Variants in CDH13 observed in about 807,000 individuals in gnomAD.
The protein encoded by CDH13 is cadherin-13.
A neutral mutation model predicts 63.8 loss-of-function variants in CDH13; 24 were observed. The ratio of observed to expected loss-of-function variants is 0.38; its 90% CI spans 0.27 to 0.53. The LOEUF (loss-of-function observed/expected upper bound fraction) is 0.53, where lower values mean the gene tolerates loss of function less well. Among genes scored for constraint, CDH13 ranks in the 20% least tolerant of loss-of-function variants. CDH13 has a pLI of 0.85. For synonymous variants in CDH13, 503 were observed against 355.3 expected (o/e 1.42, Z -4.67); for missense variants, 1,049 against 903.1 (o/e 1.16, Z -2.07).
At chr16:83,083,069 G>A (rs1033212875) in intron 3 of CDH13, among the ~76,000 whole-genome samples, 1 of 152,162 alleles carries the variant, frequency 6.6e-6, no homozygotes, top group Non-Finnish European at 1.5e-5. Context: ...AACCACAAAA[G>A]AAGCTGATAT....
intron 13 of CDH13, among the ~76,000 whole-genome samples, chr16:83,790,952 C>T (rs1206102862): frequency 6.6e-6 from 1 of 152,130 alleles, no homozygotes; most frequent in Non-Finnish European, 1.5e-5. Flanking sequence ...ACTATCTTAA[C>T]AAATACCAAA....
chr16:83,080,759 AG>A (rs1161944860), intron 3 of CDH13, among the ~76,000 whole-genome samples: 3 of 152,032 alleles, frequency 2.0e-5, no homozygotes, highest in African/African-American at 7.2e-5. Context: ...CTAACCCACA[AG>A]GAAGATTATT....
chr16:83,149,428 G>C (rs184878834), intron 4 of CDH13, among the ~76,000 whole-genome samples: 60 of 152,224 alleles, frequency 3.9e-4, no homozygotes, highest in African/African-American at 1.3e-3. Context: ...TCCATGATAG[G>C]ATCACAACAG....
intron 7 of CDH13, among the ~76,000 whole-genome samples, chr16:83,566,213 G>A (rs1477885103): frequency 6.6e-6 from 1 of 152,054 alleles, no homozygotes; most frequent in Non-Finnish European, 1.5e-5. Context: ...AGTTGCTTCT[G>A]CTTGCAGTGG....
At chr16:82,950,569 G>A (rs915542737) in intron 2 of CDH13, among the ~76,000 whole-genome samples, 36 of 152,148 alleles carry the variant, frequency 2.4e-4, no homozygotes, top group Admixed American at 2.0e-4. Context: ...TGCTGCTGAT[G>A]TAAGATGTGC....
chr16:83,104,296 G>A (rs2034654966), intron 3 of CDH13, among the ~76,000 whole-genome samples: 1 of 152,150 alleles, frequency 6.6e-6, no homozygotes. Context: ...TCAATGACGT[G>A]GGGAGACGTG....
intron 2 of CDH13, among the ~76,000 whole-genome samples, chr16:82,890,439 C>G (rs1011884272): frequency 1.8e-4 from 28 of 152,264 alleles, no homozygotes; most frequent in African/African-American, 6.3e-4. Context: ...AAAACGATTC[C>G]TTTGCTAGAG....
intron 2 of CDH13, among the ~76,000 whole-genome samples, chr16:82,964,100 A>G (rs1356771934): frequency 2.6e-5 from 4 of 152,198 alleles, no homozygotes; most frequent in South Asian, 2.1e-4. Flanking sequence ...ACGCTGGAAC[A>G]GGAGCACACG....
chr16:82,793,891 G>T (rs533781954), intron 1 of CDH13, among the ~76,000 whole-genome samples: 4 of 152,158 alleles, frequency 2.6e-5, no homozygotes, highest in African/African-American at 9.7e-5. Flanking sequence ...TATGGGACAG[G>T]CTGGGGCAGT....
intron 2 of CDH13, among the ~76,000 whole-genome samples, chr16:83,017,911 A>T (rs1914960133): frequency 6.6e-6 from 1 of 152,184 alleles, no homozygotes. Flanking sequence ...CAAAGTTTTG[A>T]TATGCAGTAG....
At chr16:83,728,060 G>A (rs900826385) in intron 10 of CDH13, among the ~76,000 whole-genome samples, 5 of 152,206 alleles carry the variant, frequency 3.3e-5, no homozygotes, top group African/African-American at 1.2e-4. Context: ...CAGCTCCTCT[G>A]AGGAGTCTGT....
chr16:83,239,302 G>C (rs990749320), intron 5 of CDH13, among the ~76,000 whole-genome samples: 3 of 152,214 alleles, frequency 2.0e-5, no homozygotes, highest in African/African-American at 7.2e-5. Flanking sequence ...AATGAAGTTA[G>C]TGATCTACCG....
At chr16:83,328,989 A>G (rs2090427136) in intron 5 of CDH13, among the ~76,000 whole-genome samples, 2 of 152,292 alleles carry the variant, frequency 1.3e-5, no homozygotes, top group African/African-American at 4.8e-5. Context: ...CTAGGTAGTC[A>G]AATTTCCCTA....
In CDH13 at chr16:83,047,325, G is replaced by C. The variant is rs903992553; in HGVS notation, c.366+15107G>C. Reference sequence around the variant, plus strand: ...AATGCATTATTTCTGTCCTTGCATTGTCCATTCTCGTAAACCGTGGTTAAC... The same window carrying C: ...AATGCATTATTTCTGTCCTTGCATTCTCCATTCTCGTAAACCGTGGTTAAC... On this transcript the variant is annotated intron_variant, in intron 3 of 13. Coordinates refer to ENST00000567109, the MANE Select transcript of CDH13 (RefSeq NM_001257.5). The surrounding 1 kb of genome is among the most constrained non-coding windows in gnomAD (Gnocchi z 4.9). Among the ~76,000 whole-genome samples the C allele has an allele frequency of 1.3e-5, 2 of 152,076 alleles. No homozygotes were observed. The highest frequency in any genetic ancestry group is 3.9e-4 in the East Asian group (2 of 5,188).
intron 2 of CDH13, among the ~76,000 whole-genome samples, chr16:82,888,057 G>C (rs569613693): frequency 6.6e-6 from 1 of 152,088 alleles, no homozygotes; most frequent in African/African-American, 2.4e-5. Context: ...TGCTCATCTT[G>C]GTGGGTTTTG....
At chr16:82,696,743 A>G (rs948185792) in intron 1 of CDH13, among the ~76,000 whole-genome samples, 2 of 152,264 alleles carry the variant, frequency 1.3e-5, no homozygotes, top group East Asian at 3.9e-4. Context: ...TGCATTAGAA[A>G]TTTTCCCCAA....
chr16:83,015,136 A>C (rs1188650689), intron 2 of CDH13, among the ~76,000 whole-genome samples: 1 of 152,110 alleles, frequency 6.6e-6, no homozygotes, highest in East Asian at 1.9e-4. Flanking sequence ...GAATAATTTA[A>C]TAATCAAAAT....
intron 2 of CDH13, among the ~76,000 whole-genome samples, chr16:82,922,407 C>A (rs988842496): frequency 3.9e-5 from 6 of 152,124 alleles, no homozygotes; most frequent in African/African-American, 1.4e-4. Context: ...CTTTCACATG[C>A]CAGGGAGTAG....
At chr16:83,208,828 T>C (rs143486640) in intron 4 of CDH13, among the ~76,000 whole-genome samples, 184 of 152,320 alleles carry the variant, frequency 1.2e-3, no homozygotes, top group African/African-American at 4.3e-3. Flanking sequence ...CGCATCAATC[T>C]GGTTGGATGT....
Sources: gnomAD v4.1 joint callset for allele counts (sites outside exome capture counted in the v4.1 genomes callset) on GRCh38, gnomAD v4.1.1 for gene constraint, Gnocchi (gnomAD v3.1) non-coding constraint, MANE v1.5 for transcripts, NCBI Gene and HGNC (gene_info 2026-07-23, HGNC 2026-07-21) for gene names.